The following DGKB variants were observed in gnomAD, a reference collection of about 807,000 sequenced individuals.
DGKB encodes the protein 90 kDa diacylglycerol kinase.
In DGKB, 67 loss-of-function variants were observed where a neutral mutation model predicts 114.3. The observed-to-expected ratio is 0.59, with a 90% CI of 0.48 to 0.72. The LOEUF is 0.72. DGKB is among the 30% of genes least tolerant of loss of function. The pLI is 0.00. For synonymous variants in DGKB, 398 were observed against 323.1 expected, an observed-to-expected ratio of 1.23 and a Z score of -2.49; for missense variants, 907 against 975.2, an observed-to-expected ratio of 0.93 and a Z score of 0.93.
chr7:14,223,974 C>G (rs1411166495), intron 23 of DGKB, among the ~76,000 whole-genome samples: 1 of 151,588 alleles, frequency 6.6e-6, no homozygotes, highest in African/African-American at 2.4e-5. Flanking sequence ...ACATTTTTTT[C>G]CAATGTCTCC....
chr7:14,279,052 G>A (rs1290118637), intron 23 of DGKB, among the ~76,000 whole-genome samples: 1 of 152,176 alleles, frequency 6.6e-6, no homozygotes, highest in African/African-American at 2.4e-5. Flanking sequence ...AGCAGGGCGA[G>A]GCATTGCCTC....
intron 8 of DGKB, among the ~76,000 whole-genome samples, chr7:14,697,012 G>T (rs184996501): frequency 6.6e-6 from 1 of 152,166 alleles, no homozygotes; most frequent in African/African-American, 2.4e-5. Context: ...TATTTGCATT[G>T]CTTTATTCAT....
chr7:14,328,323 A>G lies in DGKB; in HGVS notation c.2122+10192T>C, dbSNP rs562855369. 1.7e-4 allele frequency among the ~76,000 whole-genome samples: 26 copies of G among 152,180 alleles called. No individual in the cohort carries two copies. The South Asian group carries it at 5.2e-3, about 30-fold the overall frequency. ...TTCGTTATTCAATATTTTTGAAAAT[A>G]TTGTTATGTTTGTGTTTTATTCACA... On this transcript the variant is annotated intron_variant, in intron 23 of 25. Transcript: ENST00000402815.
intron 2 of DGKB, among the ~76,000 whole-genome samples, chr7:14,772,353 T>C (rs921337320): frequency 1.1e-4 from 16 of 152,206 alleles, no homozygotes; most frequent in Admixed American, 8.5e-4. Flanking sequence ...AAATAAAGTA[T>C]GAAAAAAGAA....
intron 25 of DGKB, among the ~76,000 whole-genome samples, chr7:14,164,016 A>AAAC (rs1784290801): frequency 6.7e-6 from 1 of 149,892 alleles, no homozygotes; most frequent in Non-Finnish European, 1.5e-5. Context: ...AACAAACAAA[A>AAAC]AAAAAAACAA....
At chr7:14,327,596 T>C (rs2128551096) in intron 23 of DGKB, among the ~76,000 whole-genome samples, 1 of 152,210 alleles carries the variant, frequency 6.6e-6, no homozygotes, top group South Asian at 2.1e-4. Flanking sequence ...CTACACACAT[T>C]TTAAATTGTT....
intron 23 of DGKB, among the ~76,000 whole-genome samples, chr7:14,311,591 T>C (rs1208187150): frequency 6.6e-6 from 1 of 152,026 alleles, no homozygotes; most frequent in Non-Finnish European, 1.5e-5. Flanking sequence ...CCTGGCGAAC[T>C]TCTTTTGTGT....
intron 1 of DGKB, among the ~76,000 whole-genome samples, chr7:14,891,677 A>C (rs1014979456): frequency 6.6e-6 from 1 of 151,468 alleles, no homozygotes; most frequent in Admixed American, 6.6e-5. Flanking sequence ...TTTTTAAATT[A>C]AAATCCAAAT....
At chr7:14,323,474 G>T (rs968722892) in intron 23 of DGKB, among the ~76,000 whole-genome samples, 1 of 152,158 alleles carries the variant, frequency 6.6e-6, no homozygotes. Context: ...AGGGAGTAGG[G>T]AATCGGAGGA....
intron 19 of DGKB, among the ~76,000 whole-genome samples, chr7:14,575,308 T>A (rs1239314133): frequency 6.6e-6 from 1 of 152,202 alleles, no homozygotes; most frequent in Admixed American, 6.6e-5. Context: ...TACAGGTCCC[T>A]CTTAACCCAG....
intron 25 of DGKB, among the ~76,000 whole-genome samples, chr7:14,150,948 C>A (rs1233834851): frequency 1.3e-5 from 2 of 151,906 alleles, no homozygotes; most frequent in African/African-American, 4.8e-5. Context: ...CAAGCTCTGC[C>A]CCCAAGAAAT....
chr7:14,683,635 T>C (rs975563276), intron 10 of DGKB, among the ~76,000 whole-genome samples: 20 of 152,066 alleles, frequency 1.3e-4, no homozygotes, highest in Non-Finnish European at 2.4e-4. Context: ...TTAAGGGTTC[T>C]AAATGCATAA....
At chr7:14,168,287 A>T (rs1258169534) in intron 25 of DGKB, among the ~76,000 whole-genome samples, 4 of 152,222 alleles carry the variant, frequency 2.6e-5, no homozygotes, top group Non-Finnish European at 5.9e-5. Flanking sequence ...AGAAGGAAAT[A>T]AAAAGTGAAC....
chr7:14,693,414 T>C (rs1823238543), intron 9 of DGKB, among the ~76,000 whole-genome samples: 1 of 151,990 alleles, frequency 6.6e-6, no homozygotes, highest in South Asian at 2.1e-4. Context: ...TACATTCTCA[T>C]CTTAGGTTGA....
intron 1 of DGKB, among the ~76,000 whole-genome samples, chr7:14,918,130 C>G (rs1784330145): frequency 6.6e-6 from 1 of 152,078 alleles, no homozygotes; most frequent in Admixed American, 6.5e-5. Flanking sequence ...TACAATAAAT[C>G]TACAGGTAAC....
chr7:14,508,024 G>C (rs1787371501), intron 20 of DGKB, among the ~76,000 whole-genome samples: 1 of 152,118 alleles, frequency 6.6e-6, no homozygotes, highest in African/African-American at 2.4e-5. Context: ...ATTCAACAAA[G>C]GTTGGTGTTT....
chr7:14,675,456 A>C (rs1819683990), intron 12 of DGKB, among the ~76,000 whole-genome samples: 3 of 152,086 alleles, frequency 2.0e-5, no homozygotes, highest in Admixed American at 2.0e-4. Context: ...CCCAGAAGGA[A>C]GGAAAGAATC....
At chr7:14,923,075 A>C (rs1587388566) in intron 1 of DGKB, among the ~76,000 whole-genome samples, 1 of 152,086 alleles carries the variant, frequency 6.6e-6, no homozygotes, top group African/African-American at 2.4e-5. Flanking sequence ...CCAATTATAA[A>C]CAGGTATTTT....
intron 21 of DGKB, among the ~76,000 whole-genome samples, chr7:14,361,637 G>C (rs776298586): frequency 6.6e-6 from 1 of 151,890 alleles, no homozygotes; most frequent in Non-Finnish European, 1.5e-5. Flanking sequence ...GTACATGTTA[G>C]ATAATTCTAA....
Sources: gnomAD v4.1 joint callset for allele counts (sites outside exome capture counted in the v4.1 genomes callset) on GRCh38, gnomAD v4.1.1 for gene constraint, MANE v1.5 for transcripts, NCBI Gene and HGNC (gene_info 2026-07-23, HGNC 2026-07-21) for gene names.